Variants in BFSP1 observed in about 807,000 individuals in gnomAD.
The protein encoded by BFSP1 is beaded filament structural protein 1, also known as filensin.
A neutral mutation model predicts 43.9 loss-of-function variants in BFSP1; 38 were observed. The observed-to-expected ratio is 0.87, with a 90% CI of 0.67 to 1.14. The LOEUF (loss-of-function observed/expected upper bound fraction) is 1.14, where lower values mean the gene tolerates loss of function less well. Among genes scored for constraint, BFSP1 ranks in the 50% most tolerant of loss-of-function variants. The pLI is 0.00. For missense variants in BFSP1, 850 were observed against 875.1 expected, an observed-to-expected ratio of 0.97 and a Z score of 0.36; for synonymous variants, 352 against 354.8, an observed-to-expected ratio of 0.99 and a Z score of 0.09.
intron 1 of BFSP1, among the ~76,000 whole-genome samples, chr20:17,549,576 C>G (rs777563328): frequency 6.6e-6 from 1 of 152,172 alleles, no homozygotes; most frequent in African/African-American, 2.4e-5. Flanking sequence ...AGGCTCATGC[C>G]TGTAATCCCA....
intron 6 of BFSP1, 134 bp downstream of exon 6, chr20:17,498,686 A>G: frequency 9.5e-7 from 1 of 1,057,240 alleles, no homozygotes; most frequent in Non-Finnish European, 1.4e-6. Context: ...TCCAACACCC[A>G]TGGGGTCAGG....
rs778772384 is a variant in BFSP1, at chr20:17,494,661, C to G, written c.1411G>C (p.Val471Leu). 12 of 1,614,082 alleles carry G rather than the reference C, an allele frequency of 7.4e-6. No individual in the cohort carries two copies. In the Admixed American group the frequency reaches 2.0e-4, roughly 27 times the overall value. The change falls in exon 8 of 8, where the codon GTG (valine) becomes CTG (leucine). Residue 471 changes from valine to leucine, a missense_variant. By Grantham distance (32) the Val-to-Leu change is conservative. Coordinates refer to ENST00000377873, the MANE Select transcript of BFSP1 (RefSeq NM_001195.5). ...PTELYTKERH[V>L]LVTGDANYVD... ...TAATTGGCATCCCCTGTGACCAGCA[C>G]GTGCCGCTCTTTGGTGTAGAGCTCA...
upstream of BFSP1, among the ~76,000 whole-genome samples, chr20:17,533,796 A>G (rs1438799329): frequency 6.6e-6 from 1 of 152,240 alleles, no homozygotes; most frequent in Non-Finnish European, 1.5e-5. Context: ...TATTCTAGAA[A>G]CATAACAAAA....
chr20:17,525,995 GCCACACAGA>G lies in BFSP1; in HGVS notation c.378-1096_378-1088del, dbSNP rs2034411188. Among the ~76,000 whole-genome samples, 1 of 151,766 alleles carries G rather than the reference GCCACACAGA, an allele frequency of 6.6e-6. No homozygotes were observed. The highest frequency in any genetic ancestry group is 1.5e-5 in the Non-Finnish European group (1 of 67,984). ...AAACATGAATGCTGCCTTCCTGAAG[GCCACACAGA>G]ACCTTCTGTGTCCCAAATACTGTAC... On this transcript the variant is annotated intron_variant, in intron 1 of 7. Transcript: ENST00000377873. The surrounding 1 kb of genome is among the most constrained non-coding windows in gnomAD (Gnocchi z 4.2).
At chr20:17,504,239 C>A (rs558028860) in intron 5 of BFSP1, among the ~76,000 whole-genome samples, 1 of 152,308 alleles carries the variant, frequency 6.6e-6, no homozygotes, top group Middle Eastern at 3.4e-3. Flanking sequence ...CTACGGGATT[C>A]TGCTGAGTCC....
At chr20:17,548,094 G>C (rs2034835590) in intron 1 of BFSP1, among the ~76,000 whole-genome samples, 1 of 148,066 alleles carries the variant, frequency 6.8e-6, no homozygotes, top group Non-Finnish European at 1.5e-5. Flanking sequence ...AATATTAATA[G>C]TGGGCATAAT....
At chr20:17,532,221 A>G (rs189599199), upstream of BFSP1, among the ~76,000 whole-genome samples, 167 of 152,034 alleles carry the variant, frequency 1.1e-3, no homozygotes, top group African/African-American at 3.8e-3. Context: ...CCTGGCCAAC[A>G]TGGTGAAACT....
intron 2 of BFSP1, among the ~76,000 whole-genome samples, chr20:17,522,167 G>A (rs573951826): frequency 3.9e-5 from 6 of 152,196 alleles, no homozygotes; most frequent in Non-Finnish European, 7.4e-5. Context: ...GAGTAATACC[G>A]GTTCCCTGAC....
upstream of BFSP1, among the ~76,000 whole-genome samples, chr20:17,562,110 T>C (rs958398959): frequency 1.3e-5 from 2 of 151,624 alleles, no homozygotes; most frequent in African/African-American, 2.4e-5. Flanking sequence ...TTAGTAGAGA[T>C]GGGGTTTCAC....
chr20:17,559,104 A>C (rs1215237848), upstream of BFSP1: 1 of 174,310 alleles, frequency 5.7e-6, no homozygotes, highest in Non-Finnish European at 1.2e-5. Context: ...TTTACACGTA[A>C]GGATGTTGAA....
At position 17,542,948 on chromosome 20, in the gene BFSP1, TAAAG is replaced by T. The variant is rs112381283; in HGVS notation, c.2+15736_2+15739del. Among the ~76,000 whole-genome samples the T allele has an allele frequency of 9.5e-3, 1,441 of 152,300 alleles. 20 individuals carry two copies. The highest frequency in any genetic ancestry group is 0.033 in the African/African-American group (1,370 of 41,550). On this transcript the variant is annotated intron_variant, in intron 1 of 7. Coordinates refer to the BFSP1 transcript ENST00000377868. Reference sequence around the variant, plus strand: ...AAAACTAGGGAAGTCAGCCAGTAAATAAAGAGAGAAAGAGATTTATCTCAAAATA... The same window carrying T: ...AAAACTAGGGAAGTCAGCCAGTAAATAGAGAAAGAGATTTATCTCAAAATA...
chr20:17,565,832 T>G (rs545772114), intron 1 of BFSP1: 2 of 152,274 alleles, frequency 1.3e-5, no homozygotes, highest in Non-Finnish European at 2.9e-5. Flanking sequence ...AAGAGACTAC[T>G]GACGGCCGGG....
intron 5 of BFSP1, among the ~76,000 whole-genome samples, chr20:17,499,787 T>C (rs1455481186): frequency 6.6e-6 from 1 of 151,994 alleles, no homozygotes; most frequent in African/African-American, 2.4e-5. Flanking sequence ...CTGGGAGTGG[T>C]GGCACACGCC....
At position 17,525,945 on chromosome 20, in the gene BFSP1, A is replaced by G. The variant is rs940584082; in HGVS notation, c.378-1037T>C. 6.6e-6 allele frequency among the ~76,000 whole-genome samples: 1 copy of G among 151,790 alleles called. No homozygotes were observed. The highest frequency in any genetic ancestry group is 1.5e-5 in the Non-Finnish European group (1 of 67,968). On this transcript the variant is annotated intron_variant, in intron 1 of 7. Coordinates refer to ENST00000377873, the MANE Select transcript of BFSP1 (RefSeq NM_001195.5). This position sits in a 1 kb window ranked among gnomAD's most constrained non-coding sequence, Gnocchi z 4.2. ...GTGTGCCCTTTGCTTCTCATTTTCC[A>G]TCCCTCCCTCCATCCTGCAGCCAGA...
intron 3 of BFSP1, among the ~76,000 whole-genome samples, chr20:17,513,145 A>C (rs2034125844): frequency 6.6e-6 from 1 of 152,202 alleles, no homozygotes; most frequent in Admixed American, 6.5e-5. Context: ...TTCACACTCC[A>C]GAGCTTCCTG....
chr20:17,505,121 A>G (rs901234625), intron 5 of BFSP1, among the ~76,000 whole-genome samples: 4 of 152,212 alleles, frequency 2.6e-5, no homozygotes, highest in Non-Finnish European at 5.9e-5. Context: ...TTAGGGAACT[A>G]GAATTACCTG....
rs1211103265 is a variant in BFSP1, at chr20:17,525,677, A to G, written c.378-769T>C. On this transcript the variant is annotated intron_variant, in intron 1 of 7. Transcript: ENST00000377873. The surrounding 1 kb of genome is among the most constrained non-coding windows in gnomAD (Gnocchi z 4.2). ...GGAATTTTAACCCTAAAGAGAGAAG[A>G]TTCCTTCCTAAATGACCCCTCCCCT... Among the ~76,000 whole-genome samples, 3 of 152,122 alleles carry G rather than the reference A, an allele frequency of 2.0e-5. No homozygotes were observed.
intron 1 of BFSP1, among the ~76,000 whole-genome samples, chr20:17,550,840 A>G (rs2034885634): frequency 1.3e-5 from 2 of 152,206 alleles, no homozygotes; most frequent in Admixed American, 1.3e-4. Flanking sequence ...TTTTTCTGTC[A>G]TAGTTTATCC....
chr20:17,505,925 C>A (rs1310293949), intron 5 of BFSP1, among the ~76,000 whole-genome samples: 2 of 152,228 alleles, frequency 1.3e-5, no homozygotes, highest in Non-Finnish European at 2.9e-5. Context: ...CTTGGTGCTA[C>A]ACCCTTGAAT....
Sources: gnomAD v4.1 joint callset for allele counts (sites outside exome capture counted in the v4.1 genomes callset) on GRCh38, gnomAD v4.1.1 for gene constraint, Gnocchi (gnomAD v3.1) non-coding constraint, MANE v1.5 for transcripts, NCBI Gene and HGNC (gene_info 2026-07-23, HGNC 2026-07-21) for gene names.